Variants in COL4A4 observed in about 807,000 individuals in gnomAD.
COL4A4 encodes the protein collagen alpha-4(IV) chain.
A neutral mutation model predicts 192.9 loss-of-function variants in COL4A4; 105 were observed. The ratio of observed to expected loss-of-function variants is 0.54; its 90% CI spans 0.46 to 0.64. COL4A4 has a LOEUF of 0.64. Among genes scored for constraint, COL4A4 ranks in the 30% least tolerant of loss-of-function variants. The pLI is 0.00. For missense variants in COL4A4, 1,967 were observed against 2,169.3 expected, an observed-to-expected ratio of 0.91 and a Z score of 1.85; for synonymous variants, 762 against 769.9, an observed-to-expected ratio of 0.99 and a Z score of 0.17.
At chr2:227,136,167 A>G (rs112328032) in intron 4 of COL4A4, among the ~76,000 whole-genome samples, 2 of 152,268 alleles carry the variant, frequency 1.3e-5, no homozygotes, top group African/African-American at 4.8e-5. Flanking sequence ...AATCTAATCA[A>G]TAAAGTCGGG....
rs1553644267 is a variant in COL4A4 at position 227,060,121 on chromosome 2, A to AAAAAAAAAAAAAAAAAAAAG, written c.2164+14_2164+15insCTTTTTTTTTTTTTTTTTTT. ...AAGCAGAAAAAAAAAAAAAAAAAAAAAAAACCTCACTGACCAGGTGGACCT... is the reference window on the plus strand; with the variant it reads ...AAGCAGAAAAAAAAAAAAAAAAAAAAAAAAAAAAAAAAAAAAAAAGAAAACCTCACTGACCAGGTGGACCT... On this transcript the variant is annotated intron_variant, in intron 27 of 47. Transcript: ENST00000396625. The AAAAAAAAAAAAAAAAAAAAG allele has an allele frequency of 7.1e-7, 1 of 1,415,128 alleles. No homozygotes were observed. The allele number at this position is 1,415,128 out of a possible 1,614,324, so 87.7% of individuals were successfully genotyped here. A position where few individuals can be genotyped will look rare whatever the true frequency, so the allele number is the denominator to read the frequency against.
In COL4A4 at chr2:227,078,184, G is replaced by A. The variant is rs2059135222; in HGVS notation, c.1804-107C>T. The A allele has an allele frequency of 3.8e-6, 4 of 1,065,024 alleles. No homozygotes were observed. The Admixed American group carries it at 8.3e-5, about 22-fold the overall frequency. 66.0% of individuals were successfully genotyped at this position (1,065,024 alleles called of 1,614,324 possible). On this transcript the variant is annotated intron_variant, in intron 24 of 47. Transcript: ENST00000396625. ...CACGCAAAAGTCCATAATTTCAGGA[G>A]ACAGTTACTCTTAAGCAAATGTAAG...
At chr2:227,019,689 C>T (rs544703450) in intron 44 of COL4A4, among the ~76,000 whole-genome samples, 7 of 152,314 alleles carry the variant, frequency 4.6e-5, no homozygotes, top group East Asian at 1.9e-4. Flanking sequence ...TTGTTTTAGA[C>T]GGAGTTTCAC....
intron 31 of COL4A4, among the ~76,000 whole-genome samples, chr2:227,054,053 A>G (rs74795877): frequency 0.011 from 1,720 of 152,266 alleles, 29 homozygotes; most frequent in African/African-American, 0.04. Context: ...GTAATATTTC[A>G]TGGTGTGAAA....
intron 1 of COL4A4, among the ~76,000 whole-genome samples, chr2:227,152,595 T>C (rs1358755660): frequency 2.6e-5 from 4 of 152,232 alleles, no homozygotes. Context: ...GAGCAGAGCC[T>C]CCATCTTGCT....
rs368260059 is a variant in COL4A4, at chr2:227,099,096, G to A, written c.1100-298C>T. On this transcript the variant is annotated intron_variant, in intron 18 of 47. Transcript: ENST00000396625. ...TTTGTTTTTGTTTTTGTTTTCAGAC[G>A]GAGTCTCCCTCTGTCGCCCAGGCAG... 5.3e-5 allele frequency among the ~76,000 whole-genome samples: 8 copies of A among 151,960 alleles called. No homozygotes were observed. The East Asian group carries it at 5.8e-4, about 11-fold the overall frequency.
intron 28 of COL4A4, among the ~76,000 whole-genome samples, chr2:227,058,289 T>C (rs1016390798): frequency 6.6e-6 from 1 of 152,160 alleles, no homozygotes; most frequent in Non-Finnish European, 1.5e-5. Context: ...TGTGTGTGTC[T>C]GTCTTTGTTC....
chr2:227,040,755 C>T (rs1228752641), intron 37 of COL4A4, among the ~76,000 whole-genome samples: 1 of 151,592 alleles, frequency 6.6e-6, no homozygotes, highest in Admixed American at 6.6e-5. Context: ...GTAGAGATGG[C>T]GTTTCACCAT....
intron 22 of COL4A4, among the ~76,000 whole-genome samples, chr2:227,086,954 A>G (rs1430086869): frequency 6.6e-6 from 1 of 152,202 alleles, no homozygotes; most frequent in Admixed American, 6.5e-5. Flanking sequence ...CACCTTAATC[A>G]TTAACTTCAC....
At chr2:227,053,185 C>G (rs1576150663) in intron 31 of COL4A4, among the ~76,000 whole-genome samples, 1 of 151,682 alleles carries the variant, frequency 6.6e-6, no homozygotes, top group African/African-American at 2.4e-5. Context: ...CATAATAGCA[C>G]AGCAAACATC....
chr2:227,108,504 A>G, intron 12 of COL4A4, 77 bp downstream of exon 12: 1 of 1,423,700 alleles, frequency 7.0e-7, no homozygotes, highest in South Asian at 1.2e-5. Context: ...ACAAGTTCAA[A>G]TAATCAGAAC....
chr2:227,012,155 G>A, intron 45 of COL4A4, 26 bp downstream of exon 45: 1 of 1,540,982 alleles, frequency 6.5e-7, no homozygotes, highest in Non-Finnish European at 9.0e-7. Flanking sequence ...CAGTGTCAGA[G>A]AAAAGAGGAG....
At chr2:227,074,969 C>A (rs1362976913) in intron 25 of COL4A4, among the ~76,000 whole-genome samples, 2 of 151,868 alleles carry the variant, frequency 1.3e-5, no homozygotes, top group South Asian at 2.1e-4. Context: ...TCAAATAGAC[C>A]AATAACAAGT....
the COL4A4 span, among the ~76,000 whole-genome samples, chr2:226,974,498 A>G: frequency 6.6e-6 from 1 of 152,104 alleles, no homozygotes; most frequent in Non-Finnish European, 1.5e-5. Context: ...TGGCCTCCCA[A>G]AGTGCTGGGA....
At chr2:227,067,848 G>A (rs1422177754) in intron 25 of COL4A4, among the ~76,000 whole-genome samples, 1 of 147,558 alleles carries the variant, frequency 6.8e-6, no homozygotes, top group Non-Finnish European at 1.5e-5. Context: ...GCTAGCAGAA[G>A]GCAAGAAATA....
At chr2:227,057,105 G>A (rs914317512) in intron 29 of COL4A4, among the ~76,000 whole-genome samples, 2 of 152,146 alleles carry the variant, frequency 1.3e-5, no homozygotes, top group Non-Finnish European at 2.9e-5. Flanking sequence ...TGTGTTTGCA[G>A]CAAGCACCCT....
chr2:227,089,031 T>C (rs752562897), intron 21 of COL4A4, among the ~76,000 whole-genome samples: 49 of 152,200 alleles, frequency 3.2e-4, no homozygotes, highest in Non-Finnish European at 5.4e-4. Flanking sequence ...ATACCATTTC[T>C]AAACAAATGG....
At chr2:227,099,750 A>T in intron 17 of COL4A4, 61 bp from the exon 18 acceptor site, 1 of 1,422,244 alleles carries the variant, frequency 7.0e-7, no homozygotes, top group Middle Eastern at 1.8e-4. Context: ...GTTGCCTGGC[A>T]TTAAACCAGT....
chr2:227,041,856 A>AAGAGAGAGAGAGAGAGAG (rs1237060194), intron 37 of COL4A4, among the ~76,000 whole-genome samples: 3 of 97,040 alleles, frequency 3.1e-5, no homozygotes, highest in Admixed American at 9.5e-5. Flanking sequence ...AAGAGAAAGA[A>AAGAGAGAGAGAGAGAGAG]AGAAAGAAAG....
Sources: allele counts gnomAD v4.1 joint callset (sites outside exome capture counted in the v4.1 genomes callset), GRCh38; gene constraint gnomAD v4.1.1; transcripts MANE v1.5; gene names NCBI Gene and HGNC (gene_info 2026-07-23, HGNC 2026-07-21).